The following THBS2 variants were observed in gnomAD, a reference collection of about 807,000 sequenced individuals.
THBS2 encodes the protein thrombospondin 2.
A neutral mutation model predicts 135.2 loss-of-function variants in THBS2; 47 were observed. That is an observed-to-expected ratio of 0.35 (90% CI 0.28 to 0.44). THBS2 has a LOEUF of 0.44. Ranked by LOEUF, THBS2 falls within the 20% of genes least tolerant of loss-of-function variation. The pLI is 1.00. For missense variants in THBS2, 1,288 were observed against 1,603.1 expected, an observed-to-expected ratio of 0.80 and a Z score of 3.36; for synonymous variants, 639 against 633.8, an observed-to-expected ratio of 1.01 and a Z score of -0.12.
At chr6:169,222,813 AAAAG>A (rs1330251721) in intron 18 of THBS2, among the ~76,000 whole-genome samples, 7 of 74,126 alleles carry the variant, frequency 9.4e-5, no homozygotes, top group Non-Finnish European at 2.6e-5. Context: ...AAAAAGAAAA[AAAAG>A]AAAAAAAAAA....
chr6:169,234,988 C>T (rs1230046752), intron 9 of THBS2, 81 bp from the exon 10 acceptor site: 11 of 1,407,512 alleles, frequency 7.8e-6, no homozygotes, highest in Non-Finnish European at 9.7e-6. Context: ...GAGGGAAGAG[C>T]AGGTGGGACA....
intron 21 of THBS2, chr6:169,219,952 G>T (rs1779364910): frequency 5.0e-6 from 3 of 604,468 alleles, no homozygotes; most frequent in Non-Finnish European, 8.9e-6. Flanking sequence ...AATGAGGATG[G>T]GTGGGACCTG....
Position 169,229,629 on chromosome 6 carries a change from G to A in THBS2, c.2202C>T (p.Asp734=), listed in dbSNP as rs35716236. ...PNSGQEDFDK[D]GIGDACDDDD... ...CATCATCACAGGCATCGCCAATCCC[G>A]TCCTTGTCAAAGTCTTCCTGCCCAG... Residue 734 remains aspartate, a synonymous_variant, in exon 14 of 22, where the codon GAC becomes GAT. Transcript: ENST00000617924. 4.9e-3 allele frequency: 7,834 copies of A among 1,614,054 alleles called. 270 individuals carry two copies. In the African/African-American group the frequency reaches 0.082, roughly 17 times the overall value.
chr6:169,222,296 A>G lies in THBS2; in HGVS notation c.3174T>C (p.Tyr1058=). Residue 1058 remains tyrosine (Y), a synonymous_variant, in exon 19 of 22, where the codon TAT becomes TAC. Coordinates refer to ENST00000617924, the MANE Select transcript of THBS2 (RefSeq NM_003247.5). ...TYWEDQPTRA[Y]GYSGVSLKVV... is the part of the protein sequence containing the mutation. The stretch of plus-strand genomic sequence containing the variant: ...CCTTGAGGGACACGCCGGAGTAGCC[A>G]TAGGCCCGCGTGGGCTGGTCCTCCC... 1.9e-6 allele frequency: 3 copies of G among 1,613,490 alleles called. No individual in the cohort carries two copies. The highest frequency in any genetic ancestry group is 2.5e-6 in the Non-Finnish European group (3 of 1,180,034).
intron 14 of THBS2, 81 bp downstream of exon 14, chr6:169,229,491 G>T: frequency 9.4e-7 from 1 of 1,060,726 alleles, no homozygotes; most frequent in Non-Finnish European, 1.5e-6. Flanking sequence ...GTTGACAAGG[G>T]CTGTTTGGTA....
chr6:169,247,742 G>A (rs1191583209), intron 3 of THBS2, among the ~76,000 whole-genome samples: 1 of 152,008 alleles, frequency 6.6e-6, no homozygotes, highest in Admixed American at 6.5e-5. Flanking sequence ...ATGCATGAGT[G>A]TGTTCACATG....
chr6:169,231,138 C>T (rs1779816175), intron 13 of THBS2, among the ~76,000 whole-genome samples: 1 of 152,070 alleles, frequency 6.6e-6, no homozygotes, highest in African/African-American at 2.4e-5. Flanking sequence ...TGAATTTCAT[C>T]TTGTATGGTA....
intron 14 of THBS2, among the ~76,000 whole-genome samples, chr6:169,228,699 G>A (rs1186926255): frequency 1.3e-5 from 2 of 152,130 alleles, no homozygotes; most frequent in Non-Finnish European, 2.9e-5. Flanking sequence ...CAAGGCAGGC[G>A]GGTCACCTGA....
At chr6:169,217,855 A>G (rs1322116057) in intron 21 of THBS2, 26 bp from the exon 22 acceptor site, 2 of 1,605,474 alleles carry the variant, frequency 1.2e-6, no homozygotes, top group Non-Finnish European at 1.7e-6. Context: ...AAAAAGCAAT[A>G]AACAATTAGC....
chr6:169,239,745 C>T (rs369815565), intron 6 of THBS2, 50 bp from the exon 7 acceptor site: 160 of 1,432,860 alleles, frequency 1.1e-4, no homozygotes, highest in South Asian at 5.1e-4. Context: ...AAGGAGGGGA[C>T]GCTGGTACAA....
chr6:169,247,305 C>A (rs996497961), intron 3 of THBS2, among the ~76,000 whole-genome samples: 1 of 152,142 alleles, frequency 6.6e-6, no homozygotes, highest in African/African-American at 2.4e-5. Flanking sequence ...TGTGAAAGTA[C>A]GTATGTGCTG....
intron 20 of THBS2, 134 bp from the exon 21 acceptor site, chr6:169,220,471 G>T: frequency 8.8e-7 from 1 of 1,134,744 alleles, no homozygotes; most frequent in Non-Finnish European, 1.2e-6. Flanking sequence ...GCCCCAGGGG[G>T]CATTGCTGGC....
At chr6:169,237,584 C>T in intron 8 of THBS2, 41 bp downstream of exon 8, 1 of 1,608,442 alleles carries the variant, frequency 6.2e-7, no homozygotes, top group Non-Finnish European at 8.5e-7. Flanking sequence ...AACGCGGCCC[C>T]ACCCCCACAG....
At chr6:169,229,066 CAAAT>C (rs1779742136) in intron 14 of THBS2, among the ~76,000 whole-genome samples, 1 of 152,114 alleles carries the variant, frequency 6.6e-6, no homozygotes, top group Non-Finnish European at 1.5e-5. Flanking sequence ...ATGTAAATAT[CAAAT>C]AAATGAATGG....
intron 10 of THBS2, 45 bp from the exon 11 acceptor site, chr6:169,233,062 A>G: frequency 6.8e-7 from 1 of 1,465,168 alleles, no homozygotes; most frequent in Non-Finnish European, 9.0e-7. Flanking sequence ...CGCCCTGCGC[A>G]GCACAGAAGG....
In THBS2 at chr6:169,222,392, G is replaced by C. The variant is rs1015216867; in HGVS notation, c.3078C>G (p.Gly1026=). 9.3e-6 allele frequency: 15 copies of C among 1,613,760 alleles called. No individual in the cohort carries two copies. Among genetic ancestry groups the C allele is most frequent in the Middle Eastern group, 3.3e-4 (2 of 6,062 alleles). ...TGCTTGACTGGTAACCAAAGACGAAGCCGGCATAGTCGTCGTCCCGGTCAG... is the reference window on the plus strand; with the variant it reads ...TGCTTGACTGGTAACCAAAGACGAACCCGGCATAGTCGTCGTCCCGGTCAG... The part of the protein sequence containing the change: ...VNTDRDDDYA[G]FVFGYQSSSR... The change falls in exon 19 of 22, where the codon GGC becomes GGG. Residue 1026 remains glycine, a synonymous_variant. Coordinates refer to ENST00000617924, the MANE Select transcript of THBS2 (RefSeq NM_003247.5).
chr6:169,239,336 C>A, intron 7 of THBS2: 1 of 519,096 alleles, frequency 1.9e-6, no homozygotes, highest in Non-Finnish European at 3.4e-6. Context: ...ACCTGCGTGA[C>A]CACTGGGCTC....
At chr6:169,245,575 G>A (rs566567795) in intron 4 of THBS2, among the ~76,000 whole-genome samples, 19 of 152,196 alleles carry the variant, frequency 1.2e-4, no homozygotes, top group East Asian at 7.7e-4. Flanking sequence ...GGCAGATCAC[G>A]AGGTCAGGAG....
Position 169,237,262 on chromosome 6 carries a change from C to T in THBS2, c.1385G>A (p.Arg462His), listed in dbSNP as rs746512177. The T allele has an allele frequency of 2.9e-5, 46 of 1,613,348 alleles. No individual in the cohort carries two copies. The highest frequency in any genetic ancestry group is 3.5e-5 in the Non-Finnish European group (41 of 1,180,030). The change falls in exon 9 of 22, where the codon CGT becomes CAT. Residue 462 changes from arginine to histidine, a missense_variant. Physicochemically the swap from Arg to His is conservative, Grantham distance 29. Coordinates refer to ENST00000617924, the MANE Select transcript of THBS2 (RefSeq NM_003247.5). ...CTGGGGCACTGGGGAGTTGCAGAGA[C>T]GGATGCGTGTGATATTGCCAACTCC... ...TCGVGNITRI[R>H]LCNSPVPQMG... is the part of the protein sequence containing the mutation.
Sources: allele counts gnomAD v4.1 joint callset (sites outside exome capture counted in the v4.1 genomes callset), GRCh38; gene constraint gnomAD v4.1.1; transcripts MANE v1.5; gene names NCBI Gene and HGNC (gene_info 2026-07-23, HGNC 2026-07-21).